The following SCML2 variants were observed in gnomAD, a reference collection of about 807,000 sequenced individuals.
The protein encoded by SCML2 is sex comb on midleg-like protein 2.
Under a neutral mutation model 48.4 loss-of-function variants are expected in SCML2, and 6 were observed. The ratio of observed to expected loss-of-function variants is 0.12; its 90% CI spans 0.07 to 0.24. The LOEUF is 0.24. SCML2 is among the 10% of genes least tolerant of loss of function. The pLI is 1.00. For missense variants in SCML2, 377 were observed against 528.2 expected (o/e 0.71, Z 2.81); for synonymous variants, 181 against 189.5 (o/e 0.95, Z 0.37).
intron 7 of SCML2, among the ~76,000 whole-genome samples, chrX:18,286,615 G>T (rs1928062314): frequency 9.0e-6 from 1 of 111,243 alleles, no homozygotes; most frequent in Non-Finnish European, 1.9e-5. Context: ...CATAGTAACA[G>T]GGCATCCTCT....
Position 18,320,338 on chromosome X carries a change from A to G in SCML2, c.480T>C (p.Phe160=). 1 of 1,127,922 alleles carries G rather than the reference A, an allele frequency of 8.9e-7. No individual in the cohort carries two copies. Among genetic ancestry groups the G allele is most frequent in the Non-Finnish European group, 1.2e-6 (1 of 836,175 alleles). 93.0% of individuals were successfully genotyped at this position (1,127,922 alleles called of 1,213,427 possible). Reference sequence around the variant, plus strand: ...TTTATAACATCTTTCTTACCTTCTTAAATAATGTGGCAGATGCCATTTCAG... The same window carrying G: ...TTTATAACATCTTTCTTACCTTCTTGAATAATGTGGCAGATGCCATTTCAG... ...NGSEMASATL[F]KKEPPKPPLN... The change falls in exon 6 of 15, where the codon TTT becomes TTC. Residue 160 remains phenylalanine, a synonymous_variant. Coordinates refer to ENST00000251900, the MANE Select transcript of SCML2 (RefSeq NM_006089.3).
chrX:18,286,327 A>G (rs996171296), intron 7 of SCML2, among the ~76,000 whole-genome samples: 1 of 112,244 alleles, frequency 8.9e-6, no homozygotes, highest in Non-Finnish European at 1.9e-5. Context: ...ATAAACAGCT[A>G]TAAAATTTTT....
chrX:18,341,316 T>C (rs760486400), intron 1 of SCML2: 104 of 449,528 alleles, frequency 2.3e-4, no homozygotes, highest in South Asian at 2.0e-3. Flanking sequence ...AAAGAGGCCA[T>C]TGAGCAGGAG....
intron 7 of SCML2, among the ~76,000 whole-genome samples, chrX:18,274,725 C>A (rs1177119806): frequency 1.8e-5 from 2 of 111,256 alleles, no homozygotes; most frequent in Non-Finnish European, 3.8e-5. Flanking sequence ...AATTCTAAGC[C>A]CCACTCCCAA....
At chrX:18,340,548 G>A (rs766030414) in intron 1 of SCML2, among the ~76,000 whole-genome samples, 6 of 112,118 alleles carry the variant, frequency 5.4e-5, no homozygotes, top group African/African-American at 1.3e-4. Context: ...GGTGGCTCAC[G>A]CCTGTAATCC....
At chrX:18,325,356 C>T (rs879176653) in intron 3 of SCML2, among the ~76,000 whole-genome samples, 1 of 112,127 alleles carries the variant, frequency 8.9e-6, no homozygotes, top group Admixed American at 9.5e-5. Context: ...GTTTTCACCA[C>T]TTTATTCCAT....
chrX:18,349,670 G>T (rs112280361), intron 1 of SCML2, among the ~76,000 whole-genome samples: 2 of 111,470 alleles, frequency 1.8e-5, no homozygotes, highest in African/African-American at 6.5e-5. Context: ...GGTTGCGCAC[G>T]CCTGTAATCC....
rs1053734458 is a variant in SCML2, at chrX:18,295,522, G to A, written c.730+9450C>T. On this transcript the variant is annotated intron_variant, in intron 7 of 14. Transcript: ENST00000251900. Reference sequence around the variant, plus strand: ...TAACATGAACACATGCTGCTTTGGGGCCCAAAAGTCGTCCTATCACCATTA... The same window carrying A: ...TAACATGAACACATGCTGCTTTGGGACCCAAAAGTCGTCCTATCACCATTA... Among the ~76,000 whole-genome samples the A allele has an allele frequency of 4.7e-5, 5 of 107,395 alleles. No individual in the cohort carries two copies. The Admixed American group carries it at 5.0e-4, about 11-fold the overall frequency. 93.3% of individuals were successfully genotyped at this position (107,395 alleles called of 115,157 possible). A position where few individuals can be genotyped will look rare whatever the true frequency, so the allele number is the denominator to read the frequency against.
At chrX:18,243,671 A>G (rs1189731798) in intron 13 of SCML2, among the ~76,000 whole-genome samples, 1 of 112,003 alleles carries the variant, frequency 8.9e-6, no homozygotes, top group Non-Finnish European at 1.9e-5. Context: ...TTGAAGGTTT[A>G]TACATTAAAA....
chrX:18,241,079 G>T lies in SCML2; in HGVS notation c.*172C>A. On this transcript the variant is annotated 3_prime_UTR_variant, in exon 15 of 15. Coordinates refer to ENST00000251900, the MANE Select transcript of SCML2 (RefSeq NM_006089.3). ...GCTGTGTCTCCCAAAGCTGGTTGGT[G>T]ACTCCAGGAAAAAAACAAAGTTGAC... 1 of 320,356 alleles carries T rather than the reference G, an allele frequency of 3.1e-6. No individual in the cohort carries two copies. The highest frequency in any genetic ancestry group is 5.2e-6 in the Non-Finnish European group (1 of 192,726). 26.4% of individuals were successfully genotyped at this position (320,356 alleles called of 1,213,427 possible).
At chrX:18,276,024 C>A (rs997223957) in intron 7 of SCML2, among the ~76,000 whole-genome samples, 1 of 112,153 alleles carries the variant, frequency 8.9e-6, no homozygotes, top group Non-Finnish European at 1.9e-5. Context: ...AGCAGCCGGG[C>A]GCAGTGGCTC....
At position 18,239,594 on chromosome X, in the gene SCML2, T is replaced by C. The variant is rs754921944; in HGVS notation, c.*1657A>G. ...ATATTTTATTGGCATTTACAACAAA[T>C]GGCTAATACTTTTATAACTGATTCT... On this transcript the variant is annotated 3_prime_UTR_variant, in exon 15 of 15. Coordinates refer to ENST00000251900, the MANE Select transcript of SCML2 (RefSeq NM_006089.3). 1 of 113,092 alleles carries C rather than the reference T, an allele frequency of 8.8e-6. No individual in the cohort carries two copies. Among genetic ancestry groups the C allele is most frequent in the East Asian group, 2.8e-4 (1 of 3,604 alleles). The allele number at this position is 113,092 out of a possible 1,213,427, so 9.3% of individuals were successfully genotyped here. A position where few individuals can be genotyped will look rare whatever the true frequency, so the allele number is the denominator to read the frequency against.
chrX:18,270,096 C>T (rs771729043), intron 7 of SCML2, among the ~76,000 whole-genome samples: 466 of 102,474 alleles, frequency 4.5e-3, no homozygotes, highest in Non-Finnish European at 7.2e-3. Context: ...GGCATGATCT[C>T]GGCTCACTGC....
intron 2 of SCML2, among the ~76,000 whole-genome samples, chrX:18,332,906 G>A (rs1929700719): frequency 9.0e-6 from 1 of 110,648 alleles, no homozygotes; most frequent in African/African-American, 3.3e-5. Context: ...TTGAGCCCAG[G>A]AGTTTGGGGT....
intron 1 of SCML2, among the ~76,000 whole-genome samples, chrX:18,337,448 G>A (rs774359288): frequency 1.0e-5 from 1 of 96,917 alleles, no homozygotes; most frequent in Non-Finnish European, 2.0e-5. Flanking sequence ...TCAAAAAAAA[G>A]CAGGAATAGA....
At position 18,240,124 on chromosome X, in the gene SCML2, A is replaced by C. The variant is rs1483429247; in HGVS notation, c.*1127T>G. The C allele has an allele frequency of 8.9e-6, 1 of 112,574 alleles. No individual in the cohort carries two copies. Among genetic ancestry groups the C allele is most frequent in the Non-Finnish European group, 1.9e-5 (1 of 53,321 alleles). 9.3% of individuals were successfully genotyped at this position (112,574 alleles called of 1,213,427 possible). A position where few individuals can be genotyped will look rare whatever the true frequency, so the allele number is the denominator to read the frequency against. On this transcript the variant is annotated 3_prime_UTR_variant, in exon 15 of 15. Transcript: ENST00000251900. ...CAGAGAACTTCCCTGTATGGAAACCAATCTACAGATTGTTTCATATCCCCT... is the reference window on the plus strand; with the variant it reads ...CAGAGAACTTCCCTGTATGGAAACCCATCTACAGATTGTTTCATATCCCCT...
chrX:18,353,235 G>A (rs1358930276), intron 1 of SCML2, among the ~76,000 whole-genome samples: 5 of 111,039 alleles, frequency 4.5e-5, no homozygotes, highest in African/African-American at 1.3e-4. Context: ...AGGCAAAATC[G>A]TCATTATTGA....
intron 7 of SCML2, among the ~76,000 whole-genome samples, chrX:18,298,913 T>C (rs1928486194): frequency 2.7e-5 from 3 of 109,724 alleles, no homozygotes; most frequent in Non-Finnish European, 5.7e-5. Context: ...GACTTAAACA[T>C]AAGGCCCGAA....
In SCML2 at chrX:18,330,591, T is replaced by C. The variant is rs767645508; in HGVS notation, c.87A>G (p.Gln29=). The change falls in exon 3 of 15, where the codon CAA becomes CAG. Residue 29 remains glutamine, a synonymous_variant. Coordinates refer to ENST00000251900, the MANE Select transcript of SCML2 (RefSeq NM_006089.3). ...TTAAATTACTTTAAAACCTACCCCTTTGTACAGAAGATGTACTTGACTGAG... is the reference window on the plus strand; with the variant it reads ...TTAAATTACTTTAAAACCTACCCCTCTGTACAGAAGATGTACTTGACTGAG... ...KTPQSSTSSV[Q]RDDFHWEEYL... is the part of the protein sequence containing the mutation. The C allele has an allele frequency of 2.4e-5, 27 of 1,144,512 alleles. No individual in the cohort carries two copies. Among genetic ancestry groups the C allele is most frequent in the East Asian group, 3.0e-5 (1 of 33,104 alleles). 94.3% of individuals were successfully genotyped at this position (1,144,512 alleles called of 1,213,427 possible).
Sources: allele counts gnomAD v4.1 joint callset (sites outside exome capture counted in the v4.1 genomes callset), GRCh38; gene constraint gnomAD v4.1.1; transcripts MANE v1.5; gene names NCBI Gene and HGNC (gene_info 2026-07-23, HGNC 2026-07-21).